The following CSMD1 variants were observed in gnomAD, a reference collection of about 807,000 sequenced individuals.
The protein encoded by CSMD1 is CUB and Sushi multiple domains 1.
A neutral mutation model predicts 417.5 loss-of-function variants in CSMD1; 213 were observed. The ratio of observed to expected loss-of-function variants is 0.51; its 90% confidence interval spans 0.46 to 0.57. The LOEUF (loss-of-function observed/expected upper bound fraction) is 0.57. Ranked by LOEUF, CSMD1 falls within the 20% of genes least tolerant of loss-of-function variation. The pLI is 0.00. For missense variants in CSMD1, 6,923 were observed against 4,529.7 expected (o/e 1.53, Z -15.17); for synonymous variants, 2,862 against 1,736.8 (o/e 1.65, Z -16.11).
intron 37 of CSMD1, among the ~76,000 whole-genome samples, chr8:3,177,203 G>C (rs867767819): frequency 3.3e-5 from 5 of 152,070 alleles, no homozygotes; most frequent in Non-Finnish European, 7.4e-5. Flanking sequence ...ACCAACTGTC[G>C]CAAGTGGAGC....
At chr8:3,522,649 G>A (rs898052524) in intron 10 of CSMD1, among the ~76,000 whole-genome samples, 1 of 152,032 alleles carries the variant, frequency 6.6e-6, no homozygotes, top group African/African-American at 2.4e-5. Flanking sequence ...CTTTATTGCA[G>A]ACTTTGTGAC....
chr8:3,426,427 A>G (rs1813843263), intron 12 of CSMD1, among the ~76,000 whole-genome samples: 1 of 152,110 alleles, frequency 6.6e-6, no homozygotes, highest in African/African-American at 2.4e-5. Context: ...CTTTTTTATT[A>G]AAAAATAGGA....
chr8:3,732,588 C>T (rs1348343782), intron 6 of CSMD1, among the ~76,000 whole-genome samples: 1 of 152,180 alleles, frequency 6.6e-6, no homozygotes, highest in African/African-American at 2.4e-5. Context: ...GGCAACGCAC[C>T]ATGAAAGCTG....
rs1049165426 is a variant in CSMD1, at chr8:3,852,726, G to C, written c.819-98684C>G. ...GGCTGTGAGGGACGGGAGAGATGGA[G>C]GGTCAGGTAAGCGTCTGCATCTCCC... On this transcript the variant is annotated intron_variant, in intron 5 of 69. Coordinates refer to ENST00000635120, the MANE Select transcript of CSMD1 (RefSeq NM_033225.6). 5.3e-5 allele frequency among the ~76,000 whole-genome samples: 8 copies of C among 152,000 alleles called. No individual in the cohort carries two copies. The East Asian group carries it at 1.4e-3, about 26-fold the overall frequency.
At chr8:3,644,566 T>C (rs1004584004) in intron 7 of CSMD1, among the ~76,000 whole-genome samples, 10 of 152,184 alleles carry the variant, frequency 6.6e-5, no homozygotes, top group South Asian at 2.1e-4. Flanking sequence ...AGGTAGGAGA[T>C]TGAATCTGAA....
In CSMD1 at chr8:4,935,993, A is replaced by T. The variant is rs1346678911; in HGVS notation, c.85+58339T>A. On this transcript the variant is annotated intron_variant, in intron 1 of 69. Coordinates refer to ENST00000635120, the MANE Select transcript of CSMD1 (RefSeq NM_033225.6). Reference sequence around the variant, plus strand: ...CAGCTTCATGGAAGAATCAGCAAAAACAGCCAGGAATAATAGGAACCCAAA... The same window carrying T: ...CAGCTTCATGGAAGAATCAGCAAAATCAGCCAGGAATAATAGGAACCCAAA... Among the ~76,000 whole-genome samples the T allele has an allele frequency of 3.3e-5, 5 of 152,342 alleles. No individual in the cohort carries two copies. In the East Asian group the frequency reaches 9.7e-4, roughly 29 times the overall value.
chr8:4,290,914 C>G (rs1051297808), intron 3 of CSMD1, among the ~76,000 whole-genome samples: 7 of 152,330 alleles, frequency 4.6e-5, no homozygotes, highest in Admixed American at 1.3e-4. Context: ...CGCCAGTTCA[C>G]AACTTCAACT....
chr8:4,753,674 C>T (rs909736727), intron 1 of CSMD1, among the ~76,000 whole-genome samples: 1 of 152,136 alleles, frequency 6.6e-6, no homozygotes, highest in Non-Finnish European at 1.5e-5. Context: ...TCTCAGGTTC[C>T]CTGGTGTCTC....
chr8:4,830,913 A>G (rs11778566), intron 1 of CSMD1, among the ~76,000 whole-genome samples: 6,815 of 152,270 alleles, frequency 0.045, 193 homozygotes, highest in African/African-American at 0.064. Context: ...ATGAACTTTC[A>G]GTGAACTTCC....
chr8:3,241,661 C>G (rs997406900), intron 26 of CSMD1, among the ~76,000 whole-genome samples: 9 of 152,110 alleles, frequency 5.9e-5, no homozygotes, highest in Non-Finnish European at 1.3e-4. Flanking sequence ...GCCTGGTGGC[C>G]AGATTTCTGG....
At chr8:3,934,854 AAATT>A (rs1334807785) in intron 5 of CSMD1, among the ~76,000 whole-genome samples, 1 of 152,194 alleles carries the variant, frequency 6.6e-6, no homozygotes, top group East Asian at 1.9e-4. Context: ...CTCAATAAAT[AAATT>A]AATTAAATAA....
At chr8:4,163,928 C>A (rs572024781) in intron 3 of CSMD1, among the ~76,000 whole-genome samples, 1 of 152,108 alleles carries the variant, frequency 6.6e-6, no homozygotes, top group Non-Finnish European at 1.5e-5. Flanking sequence ...GACTTTCCAT[C>A]TGTTATATAA....
chr8:4,371,729 T>C (rs1318478581), intron 3 of CSMD1, among the ~76,000 whole-genome samples: 1 of 152,236 alleles, frequency 6.6e-6, no homozygotes, highest in Non-Finnish European at 1.5e-5. Context: ...TATGTTTTTA[T>C]GTATTTTTCA....
At chr8:3,796,443 G>A (rs111205009) in intron 5 of CSMD1, among the ~76,000 whole-genome samples, 17,869 of 45,554 alleles carry the variant, frequency 0.39, 4,483 homozygotes, top group Middle Eastern at 0.55. Flanking sequence ...TATATCTATC[G>A]TGTATAGATA....
intron 3 of CSMD1, among the ~76,000 whole-genome samples, chr8:4,102,024 A>G (rs1408271006): frequency 1.3e-5 from 2 of 152,244 alleles, no homozygotes; most frequent in African/African-American, 4.8e-5. Flanking sequence ...TTACTGTCAC[A>G]GATATGCAGA....
At chr8:3,157,497 T>C (rs1282741914) in intron 39 of CSMD1, among the ~76,000 whole-genome samples, 5 of 152,188 alleles carry the variant, frequency 3.3e-5, no homozygotes, top group African/African-American at 1.2e-4. Flanking sequence ...TAATCTGTCA[T>C]TCTGAATTTT....
intron 40 of CSMD1, among the ~76,000 whole-genome samples, chr8:3,143,367 A>G (rs1276202649): frequency 6.6e-6 from 1 of 152,130 alleles, no homozygotes; most frequent in Non-Finnish European, 1.5e-5. Flanking sequence ...CCGCACCATA[A>G]CTCTCACAAT....
chr8:3,684,748 T>C (rs1799859997), intron 7 of CSMD1, among the ~76,000 whole-genome samples: 1 of 151,944 alleles, frequency 6.6e-6, no homozygotes, highest in Admixed American at 6.6e-5. Flanking sequence ...CCTGATACAG[T>C]TTTAAAATAG....
intron 7 of CSMD1, among the ~76,000 whole-genome samples, chr8:3,669,995 G>A (rs912635270): frequency 1.3e-5 from 2 of 152,118 alleles, no homozygotes; most frequent in African/African-American, 2.4e-5. Context: ...AGGTGCAATT[G>A]CATACATTTC....
Sources: allele counts gnomAD v4.1 joint callset (sites outside exome capture counted in the v4.1 genomes callset), GRCh38; gene constraint gnomAD v4.1.1; transcripts MANE v1.5; gene names NCBI Gene and HGNC (gene_info 2026-07-23, HGNC 2026-07-21).